Variants in CCBE1 observed in about 807,000 individuals in gnomAD.
CCBE1 encodes collagen and calcium binding EGF domains 1, also known as collagen and calcium-binding EGF domain-containing protein 1.
A neutral mutation model predicts 50.0 loss-of-function variants in CCBE1; 37 were observed. That is an observed-to-expected ratio of 0.74 (90% CI 0.57 to 0.97). The LOEUF (loss-of-function observed/expected upper bound fraction) is 0.97, where lower values mean the gene tolerates loss of function less well. Ranked by LOEUF, CCBE1 falls within the 50% of genes least tolerant of loss-of-function variation. The pLI, the probability that CCBE1 is intolerant of heterozygous loss-of-function variation, is 0.00. For synonymous variants in CCBE1, 234 were observed against 203.7 expected (o/e 1.15, Z -1.27); for missense variants, 538 against 523.8 (o/e 1.03, Z -0.26).
At chr18:59,486,727 A>G (rs2143792232) in intron 2 of CCBE1, among the ~76,000 whole-genome samples, 1 of 152,248 alleles carries the variant, frequency 6.6e-6, no homozygotes, top group Admixed American at 6.5e-5. Flanking sequence ...CAGCAAGATG[A>G]TCTCCAAGTC....
rs148948132 is a variant in CCBE1 at position 59,664,761 on chromosome 18, A to G, written c.212+31868T>C. On this transcript the variant is annotated intron_variant, in intron 2 of 10. Transcript: ENST00000439986. ...ACCAGAGGGCATTATTCAGGGCAAG[A>G]GATAAGCTGAGTGGCAGTAGGGATG... is the stretch of plus-strand genomic sequence containing the variant. Among the ~76,000 whole-genome samples, 745 of 152,296 alleles carry G rather than the reference A, an allele frequency of 4.9e-3. 5 individuals are homozygous for G. The highest frequency in any genetic ancestry group is 8.5e-3 in the Non-Finnish European group (578 of 68,032).
chr18:59,628,194 G>T (rs994332468), intron 2 of CCBE1, among the ~76,000 whole-genome samples: 2 of 152,166 alleles, frequency 1.3e-5, no homozygotes, highest in Admixed American at 1.3e-4. Flanking sequence ...TCCAGCCTGG[G>T]CAACAGAGTG....
At chr18:59,509,512 T>C (rs1484636505) in intron 2 of CCBE1, among the ~76,000 whole-genome samples, 3 of 152,196 alleles carry the variant, frequency 2.0e-5, no homozygotes, top group Non-Finnish European at 4.4e-5. Flanking sequence ...ATGTTCATAT[T>C]GCTATTTTGA....
intron 2 of CCBE1, among the ~76,000 whole-genome samples, chr18:59,653,906 A>G (rs1355600676): frequency 1.3e-5 from 2 of 152,228 alleles, no homozygotes; most frequent in Admixed American, 6.5e-5. Context: ...TGGACATATC[A>G]TAAGCAAAAA....
At chr18:59,680,772 C>T (rs1177556068) in intron 2 of CCBE1, among the ~76,000 whole-genome samples, 1 of 151,958 alleles carries the variant, frequency 6.6e-6, no homozygotes, top group East Asian at 1.9e-4. Flanking sequence ...TGGAGATTCC[C>T]TTTCATCCAT....
At chr18:59,623,877 G>A (rs1455593407) in intron 2 of CCBE1, among the ~76,000 whole-genome samples, 2 of 152,140 alleles carry the variant, frequency 1.3e-5, no homozygotes, top group East Asian at 3.9e-4. Flanking sequence ...GAAAAAGAAA[G>A]TCACGAGCAG....
intron 2 of CCBE1, among the ~76,000 whole-genome samples, chr18:59,579,294 G>A (rs564464996): frequency 3.3e-5 from 5 of 151,978 alleles, no homozygotes; most frequent in African/African-American, 9.7e-5. Context: ...ACAATTCACA[G>A]TTCCATATAT....
intron 2 of CCBE1, among the ~76,000 whole-genome samples, chr18:59,629,349 G>A (rs545919405): frequency 3.2e-4 from 48 of 152,300 alleles, no homozygotes; most frequent in African/African-American, 1.0e-3. Flanking sequence ...ACACTGTGTC[G>A]CTACAACTCC....
At chr18:59,646,146 T>C (rs1175050124) in intron 2 of CCBE1, among the ~76,000 whole-genome samples, 1 of 152,200 alleles carries the variant, frequency 6.6e-6, no homozygotes, top group Non-Finnish European at 1.5e-5. Flanking sequence ...CAAACCAAGT[T>C]AGAGGGTCTC....
intron 2 of CCBE1, among the ~76,000 whole-genome samples, chr18:59,582,057 T>A (rs1045065641): frequency 6.6e-6 from 1 of 152,024 alleles, no homozygotes; most frequent in African/African-American, 2.4e-5. Context: ...AGGGCTCCTG[T>A]TCTTCTCACA....
intron 6 of CCBE1, among the ~76,000 whole-genome samples, chr18:59,454,564 A>G (rs1164621367): frequency 6.6e-6 from 1 of 152,056 alleles, no homozygotes; most frequent in African/African-American, 2.4e-5. Flanking sequence ...ATTTTATGAG[A>G]AGTTGCAATA....
intron 2 of CCBE1, among the ~76,000 whole-genome samples, chr18:59,530,157 A>T (rs1914992449): frequency 6.6e-6 from 1 of 152,010 alleles, no homozygotes; most frequent in Non-Finnish European, 1.5e-5. Flanking sequence ...TAGTAAGTTG[A>T]GATGGATGGG....
At chr18:59,466,637 TTATA>T in intron 5 of CCBE1, 98 bp downstream of exon 5, 2 of 527,868 alleles carry the variant, frequency 3.8e-6, no homozygotes. Flanking sequence ...ATATATACAA[TTATA>T]TAATCATATC....
chr18:59,695,691 T>A (rs1016113441), intron 2 of CCBE1, among the ~76,000 whole-genome samples: 7 of 152,218 alleles, frequency 4.6e-5, no homozygotes, highest in African/African-American at 1.4e-4. Context: ...CATTGTTTTC[T>A]TTCAAGTTCG....
At chr18:59,555,711 T>G (rs1265898206) in intron 2 of CCBE1, among the ~76,000 whole-genome samples, 2 of 150,782 alleles carry the variant, frequency 1.3e-5, no homozygotes, top group African/African-American at 4.9e-5. Context: ...TGAAACATCC[T>G]GAAGAAACAG....
At chr18:59,503,922 T>C (rs1045406277) in intron 2 of CCBE1, among the ~76,000 whole-genome samples, 3 of 152,228 alleles carry the variant, frequency 2.0e-5, no homozygotes, top group Non-Finnish European at 4.4e-5. Context: ...TTGTAAGACA[T>C]TGCTGTCTCC....
chr18:59,481,673 G>A (rs758812462), intron 2 of CCBE1, among the ~76,000 whole-genome samples: 4 of 152,174 alleles, frequency 2.6e-5, no homozygotes, highest in Non-Finnish European at 4.4e-5. Context: ...GACATCCTTT[G>A]AGTGCTGAGA....
intron 2 of CCBE1, among the ~76,000 whole-genome samples, chr18:59,588,877 C>T (rs184401920): frequency 2.6e-5 from 4 of 152,320 alleles, no homozygotes; most frequent in East Asian, 1.9e-4. Context: ...CTGATGCCCC[C>T]TCGGGAGGCT....
chr18:59,514,498 C>G (rs147456490), intron 2 of CCBE1, among the ~76,000 whole-genome samples: 1 of 152,080 alleles, frequency 6.6e-6, no homozygotes, highest in Non-Finnish European at 1.5e-5. Flanking sequence ...GCCACCCTGA[C>G]ATTTTCGGCT....
Sources: gnomAD v4.1 joint callset for allele counts (sites outside exome capture counted in the v4.1 genomes callset) on GRCh38, gnomAD v4.1.1 for gene constraint, MANE v1.5 for transcripts, NCBI Gene and HGNC (gene_info 2026-07-23, HGNC 2026-07-21) for gene names.